ROBO2: variants seen among roughly 807,000 people sequenced by gnomAD.
The protein encoded by ROBO2 is roundabout homolog 2.
ROBO2 carries 53 observed loss-of-function variants against 160.8 expected under a neutral mutation model. The ratio of observed to expected loss-of-function variants is 0.33; its 90% confidence interval spans 0.26 to 0.41. ROBO2 has a LOEUF of 0.41. Ranked by LOEUF, ROBO2 falls within the 10% of genes least tolerant of loss-of-function variation. The probability of loss-of-function intolerance (pLI) is 1.00; values close to 1 mark genes in which losing one functional copy is unlikely to be tolerated. For synonymous variants in ROBO2, 664 were observed against 611.7 expected (o/e 1.09, Z -1.26); for missense variants, 1,577 against 1,722.4 (o/e 0.92, Z 1.49).
chr3:76,098,034 G>A (rs995650241), intron 2 of ROBO2, among the ~76,000 whole-genome samples: 6 of 152,082 alleles, frequency 3.9e-5, no homozygotes, highest in Admixed American at 2.0e-4. Context: ...TGAGCTCATG[G>A]ATCAGTTCAG....
chr3:76,935,403 C>T (rs1283580586), intron 2 of ROBO2, among the ~76,000 whole-genome samples: 1 of 152,160 alleles, frequency 6.6e-6, no homozygotes, highest in Admixed American at 6.5e-5. Context: ...TGTCAATTGT[C>T]TTGCTAATAC....
intron 23 of ROBO2, chr3:77,633,695 T>A (rs940216393): frequency 6.6e-6 from 1 of 152,178 alleles, no homozygotes; most frequent in Non-Finnish European, 1.5e-5. Context: ...TATCTTTAAG[T>A]GAAATAAAAA....
chr3:76,773,576 A>AT (rs1434003520), intron 2 of ROBO2, among the ~76,000 whole-genome samples: 1 of 106,452 alleles, frequency 9.4e-6, no homozygotes, highest in Non-Finnish European at 1.8e-5. Context: ...TTACAAGATT[A>AT]ATTTTTTTTT....
intron 2 of ROBO2, among the ~76,000 whole-genome samples, chr3:77,132,369 C>T (rs1340088520): frequency 6.8e-6 from 1 of 146,776 alleles, no homozygotes; most frequent in East Asian, 1.9e-4. Flanking sequence ...TTTTCCAACT[C>T]TCTCTGATTA....
chr3:77,607,303 T>C (rs2094544280), intron 20 of ROBO2, among the ~76,000 whole-genome samples: 1 of 152,238 alleles, frequency 6.6e-6, no homozygotes. Flanking sequence ...TTGTAGCTGA[T>C]TGATTTTTAT....
chr3:77,561,052 A>T (rs982619491), intron 9 of ROBO2, among the ~76,000 whole-genome samples: 5 of 152,158 alleles, frequency 3.3e-5, no homozygotes, highest in African/African-American at 1.2e-4. Flanking sequence ...TCTGTGTAAT[A>T]GAAGACAATT....
At chr3:77,403,712 A>G (rs957206779) in intron 2 of ROBO2, among the ~76,000 whole-genome samples, 1 of 151,710 alleles carries the variant, frequency 6.6e-6, no homozygotes, top group African/African-American at 2.4e-5. Context: ...GAGTGCAGAT[A>G]TCTCTTTGGT....
At chr3:77,377,643 G>A (rs1332893412) in intron 2 of ROBO2, among the ~76,000 whole-genome samples, 2 of 152,116 alleles carry the variant, frequency 1.3e-5, no homozygotes, top group African/African-American at 2.4e-5. Context: ...ATGAGACCTC[G>A]ATCCTTGGCA....
At chr3:77,161,047 A>C (rs1053695477) in intron 2 of ROBO2, among the ~76,000 whole-genome samples, 1 of 152,138 alleles carries the variant, frequency 6.6e-6, no homozygotes, top group Admixed American at 6.5e-5. Flanking sequence ...GGAGTACTCC[A>C]GTGGTTTGAA....
chr3:77,491,762 T>C (rs943557799), intron 4 of ROBO2, among the ~76,000 whole-genome samples: 1 of 152,168 alleles, frequency 6.6e-6, no homozygotes, highest in Non-Finnish European at 1.5e-5. Context: ...GAAATTCTAT[T>C]TGTCTTGTTT....
intron 2 of ROBO2, among the ~76,000 whole-genome samples, chr3:76,871,572 A>G (rs1238063878): frequency 6.6e-6 from 1 of 150,696 alleles, no homozygotes; most frequent in Non-Finnish European, 1.5e-5. Context: ...AAAAAAAAAG[A>G]AAAAGAAAAA....
intron 19 of ROBO2, 81 bp downstream of exon 20, chr3:77,596,831 G>A: frequency 6.5e-7 from 1 of 1,537,698 alleles, no homozygotes; most frequent in Non-Finnish European, 8.9e-7. Flanking sequence ...TTTTTTTAAA[G>A]AAACATATCA....
intron 2 of ROBO2, among the ~76,000 whole-genome samples, chr3:76,519,531 CAG>C (rs1039402529): frequency 6.6e-6 from 1 of 152,124 alleles, no homozygotes; most frequent in Non-Finnish European, 1.5e-5. Flanking sequence ...ACACGACAGT[CAG>C]GGGATAATTT....
At chr3:76,974,295 C>T (rs2059709429) in intron 2 of ROBO2, among the ~76,000 whole-genome samples, 2 of 152,004 alleles carry the variant, frequency 1.3e-5, no homozygotes, top group South Asian at 2.1e-4. Context: ...GCCTTTTAAT[C>T]CCCCCCTTTT....
rs543009397 is a variant in ROBO2 at position 76,680,169 on chromosome 3, A to G, written c.110-417845A>G. Among the ~76,000 whole-genome samples the G allele has an allele frequency of 2.7e-3, 411 of 152,272 alleles. 2 individuals are homozygous for G. The highest frequency in any genetic ancestry group is 9.5e-3 in the African/African-American group (393 of 41,566). On this transcript the variant is annotated intron_variant, in intron 2 of 26. Transcript: ENST00000487694. ...GTGAAACAAATCTATTGGACTTGAA[A>G]TTTTATAGGAAACTTGGTGATACTT...
intron 2 of ROBO2, among the ~76,000 whole-genome samples, chr3:75,999,549 T>A (rs1200201965): frequency 6.6e-6 from 1 of 152,156 alleles, no homozygotes; most frequent in Non-Finnish European, 1.5e-5. Context: ...ATAAAGATAT[T>A]TCAACTGGAA....
At chr3:76,433,161 A>G (rs970853283) in intron 2 of ROBO2, among the ~76,000 whole-genome samples, 1 of 152,222 alleles carries the variant, frequency 6.6e-6, no homozygotes, top group Non-Finnish European at 1.5e-5. Context: ...GTGGGACTAC[A>G]TTAAAAATCC....
At chr3:77,340,814 G>C (rs1404148691) in intron 2 of ROBO2, among the ~76,000 whole-genome samples, 1 of 152,030 alleles carries the variant, frequency 6.6e-6, no homozygotes, top group Admixed American at 6.6e-5. Flanking sequence ...ATTTCATATG[G>C]CAGCCAGTAA....
intron 2 of ROBO2, among the ~76,000 whole-genome samples, chr3:76,805,246 C>CT (rs1254663514): frequency 6.6e-6 from 1 of 151,924 alleles, no homozygotes. Context: ...TTCATTTTTG[C>CT]TTTTTCTGCT....
Sources: gnomAD v4.1 joint callset for allele counts (sites outside exome capture counted in the v4.1 genomes callset) on GRCh38, gnomAD v4.1.1 for gene constraint, MANE v1.5 for transcripts, NCBI Gene and HGNC (gene_info 2026-07-23, HGNC 2026-07-21) for gene names.